The following NKAIN2 variants were observed in gnomAD, a reference collection of about 807,000 sequenced individuals.
NKAIN2 encodes sodium/potassium transporting ATPase interacting 2, also known as sodium/potassium-transporting ATPase subunit beta-1-interacting protein 2.
A neutral mutation model predicts 32.6 loss-of-function variants in NKAIN2; 14 were observed. That is an observed-to-expected ratio of 0.43 (90% confidence interval 0.28 to 0.67). The LOEUF (loss-of-function observed/expected upper bound fraction) is 0.67, where lower values mean the gene tolerates loss of function less well. Among genes scored for constraint, NKAIN2 ranks in the 30% least tolerant of loss-of-function variants. The pLI is 0.17. For synonymous variants in NKAIN2, 80 were observed against 87.2 expected, an observed-to-expected ratio of 0.92 and a Z score of 0.46; for missense variants, 198 against 258.3, an observed-to-expected ratio of 0.77 and a Z score of 1.60.
chr6:124,331,793 T>G (rs1797673524), intron 2 of NKAIN2, among the ~76,000 whole-genome samples: 1 of 152,106 alleles, frequency 6.6e-6, no homozygotes. Context: ...ATTAGTAGAG[T>G]ATTCTAAATA....
chr6:124,682,569 G>T (rs756777089), intron 4 of NKAIN2, among the ~76,000 whole-genome samples: 1 of 152,078 alleles, frequency 6.6e-6, no homozygotes, highest in Non-Finnish European at 1.5e-5. Context: ...GTCTCAAAAA[G>T]AATTGTATAA....
At chr6:124,652,159 G>T (rs1221965220) in intron 3 of NKAIN2, among the ~76,000 whole-genome samples, 1 of 152,088 alleles carries the variant, frequency 6.6e-6, no homozygotes, top group African/African-American at 2.4e-5. Flanking sequence ...CTTCCATAAA[G>T]CCCTGGGGCA....
At chr6:123,981,553 A>G in intron 1 of NKAIN2, among the ~76,000 whole-genome samples, 1 of 152,126 alleles carries the variant, frequency 6.6e-6, no homozygotes, top group Admixed American at 6.5e-5. Flanking sequence ...ATGAAGATCA[A>G]GCTTAATGTT....
intron 3 of NKAIN2, among the ~76,000 whole-genome samples, chr6:124,624,375 G>C (rs1259132067): frequency 6.6e-6 from 1 of 152,114 alleles, no homozygotes; most frequent in Non-Finnish European, 1.5e-5. Context: ...ACCTCCATCA[G>C]GTTCTGCTAT....
intron 1 of NKAIN2, among the ~76,000 whole-genome samples, chr6:124,141,444 G>A (rs1787133851): frequency 6.6e-6 from 1 of 152,008 alleles, no homozygotes; most frequent in Non-Finnish European, 1.5e-5. Context: ...GAAGTGTGGG[G>A]AAGCTCAATT....
intron 1 of NKAIN2, among the ~76,000 whole-genome samples, chr6:124,275,002 T>G (rs774504719): frequency 5.3e-5 from 8 of 152,108 alleles, no homozygotes; most frequent in Non-Finnish European, 8.8e-5. Flanking sequence ...AACAATATTT[T>G]TGTGCTCTAG....
chr6:124,131,692 G>A (rs970434131), intron 1 of NKAIN2, among the ~76,000 whole-genome samples: 5 of 152,164 alleles, frequency 3.3e-5, no homozygotes, highest in African/African-American at 1.2e-4. Flanking sequence ...TATAAAAGTA[G>A]TAGCAGCAGT....
At chr6:124,253,547 C>T (rs1424857351) in intron 1 of NKAIN2, among the ~76,000 whole-genome samples, 3 of 152,142 alleles carry the variant, frequency 2.0e-5, no homozygotes, top group Non-Finnish European at 2.9e-5. Context: ...TTTAAGTCCT[C>T]CCTAGTCCAA....
At chr6:124,130,025 T>A (rs559611583) in intron 1 of NKAIN2, among the ~76,000 whole-genome samples, 1 of 152,350 alleles carries the variant, frequency 6.6e-6, no homozygotes, top group South Asian at 2.1e-4. Context: ...GTTTCTGCAA[T>A]CTAAGTGAAA....
intron 3 of NKAIN2, among the ~76,000 whole-genome samples, chr6:124,646,817 G>T (rs1784186567): frequency 6.6e-6 from 1 of 152,016 alleles, no homozygotes; most frequent in Non-Finnish European, 1.5e-5. Flanking sequence ...CAGGTGTGGT[G>T]GTGCATGCCT....
chr6:124,565,893 G>A (rs1780892289), intron 3 of NKAIN2, among the ~76,000 whole-genome samples: 3 of 152,140 alleles, frequency 2.0e-5, no homozygotes. Context: ...TAATTTCACT[G>A]AGAGCCTCTC....
chr6:124,791,313 T>G, intron 4 of NKAIN2, 26 bp from the exon 5 acceptor site: 1 of 1,594,908 alleles, frequency 6.3e-7, no homozygotes, highest in Non-Finnish European at 8.6e-7. Flanking sequence ...TTTTCTGATG[T>G]CTAAAGCATC....
intron 3 of NKAIN2, among the ~76,000 whole-genome samples, chr6:124,495,616 C>T (rs186841845): frequency 6.6e-6 from 1 of 152,258 alleles, no homozygotes; most frequent in Admixed American, 6.5e-5. Context: ...GAGCTCTGAG[C>T]TGCATATCCT....
At chr6:124,193,659 T>C (rs1790144155) in intron 1 of NKAIN2, among the ~76,000 whole-genome samples, 1 of 152,202 alleles carries the variant, frequency 6.6e-6, no homozygotes, top group African/African-American at 2.4e-5. Context: ...AGCCCTGCCA[T>C]TCAGTAGGTC....
chr6:123,949,152 T>C (rs142707552), intron 1 of NKAIN2, among the ~76,000 whole-genome samples: 4 of 152,186 alleles, frequency 2.6e-5, no homozygotes, highest in African/African-American at 9.6e-5. Flanking sequence ...CATCCTGTTT[T>C]GGTTACTATA....
chr6:124,747,861 G>A (rs1285695763), intron 4 of NKAIN2, among the ~76,000 whole-genome samples: 1 of 151,742 alleles, frequency 6.6e-6, no homozygotes, highest in Admixed American at 6.6e-5. Flanking sequence ...AATTGAAATA[G>A]GATACTCCTG....
chr6:124,763,601 A>C (rs554274256), intron 4 of NKAIN2, among the ~76,000 whole-genome samples: 10 of 152,316 alleles, frequency 6.6e-5, no homozygotes, highest in African/African-American at 2.2e-4. Context: ...TCAACATGAG[A>C]TTTGGGTGGG....
At chr6:124,066,493 T>C (rs1397409813) in intron 1 of NKAIN2, among the ~76,000 whole-genome samples, 2 of 152,166 alleles carry the variant, frequency 1.3e-5, no homozygotes, top group African/African-American at 4.8e-5. Context: ...GAAGGCACTA[T>C]AGAGTTATTG....
intron 3 of NKAIN2, among the ~76,000 whole-genome samples, chr6:124,412,507 A>G (rs1774245793): frequency 6.6e-6 from 1 of 152,108 alleles, no homozygotes; most frequent in Non-Finnish European, 1.5e-5. Flanking sequence ...TGAACCGCAA[A>G]TGCTGCTGCC....
Sources: gnomAD v4.1 joint callset for allele counts (sites outside exome capture counted in the v4.1 genomes callset) on GRCh38, gnomAD v4.1.1 for gene constraint, MANE v1.5 for transcripts, NCBI Gene and HGNC (gene_info 2026-07-23, HGNC 2026-07-21) for gene names.